The following RUNX2 variants were observed in gnomAD, a reference collection of about 807,000 sequenced individuals.
The protein encoded by RUNX2 is runt-related transcription factor 2.
Under a neutral mutation model 51.7 loss-of-function variants are expected in RUNX2, and 10 were observed. The ratio of observed to expected loss-of-function variants is 0.19; its 90% CI spans 0.12 to 0.33. The LOEUF (loss-of-function observed/expected upper bound fraction) is 0.33. Among genes scored for constraint, RUNX2 ranks in the 10% least tolerant of loss-of-function variants. RUNX2 has a pLI of 1.00. For synonymous variants in RUNX2, 276 were observed against 273.6 expected (o/e 1.01, Z -0.09); for missense variants, 562 against 691.3 (o/e 0.81, Z 2.10).
At chr6:45,421,602 C>G (rs1798190058) in intron 2 of RUNX2, 1 of 152,236 alleles carries the variant, frequency 6.6e-6, no homozygotes, top group Non-Finnish European at 1.5e-5. Context: ...TCAGATCAGC[C>G]GGGGGCTCTC....
At chr6:45,468,220 T>C (rs1344865740) in intron 5 of RUNX2, among the ~76,000 whole-genome samples, 1 of 152,228 alleles carries the variant, frequency 6.6e-6, no homozygotes, top group South Asian at 2.1e-4. Flanking sequence ...ATAATCTCTC[T>C]TTACTATCCT....
intron 7 of RUNX2, among the ~76,000 whole-genome samples, chr6:45,513,889 C>G (rs567792479): frequency 6.6e-6 from 1 of 152,254 alleles, no homozygotes; most frequent in African/African-American, 2.4e-5. Context: ...GTGGGGATAA[C>G]GAAGGCTGAT....
rs570572500 is a variant in RUNX2, at chr6:45,398,583, A to G, written c.59-24010A>G. Among the ~76,000 whole-genome samples the G allele has an allele frequency of 2.6e-5, 4 of 152,342 alleles. No homozygotes were observed. In the East Asian group the frequency reaches 5.8e-4, roughly 22 times the overall value. On this transcript the variant is annotated intron_variant, in intron 2 of 8. Coordinates refer to ENST00000647337, the MANE Select transcript of RUNX2 (RefSeq NM_001024630.4). ...CAATTTTAACAAGTATTTCTTGACCACAATCTGGCATCATTCATCCCCTGA... is the reference window on the plus strand; with the variant it reads ...CAATTTTAACAAGTATTTCTTGACCGCAATCTGGCATCATTCATCCCCTGA...
intron 2 of RUNX2, among the ~76,000 whole-genome samples, chr6:45,371,104 T>G (rs1260711640): frequency 1.3e-5 from 2 of 152,192 alleles, no homozygotes; most frequent in Admixed American, 6.5e-5. Context: ...TGGAAGATTT[T>G]GGCAGCAATT....
intron 2 of RUNX2, among the ~76,000 whole-genome samples, chr6:45,342,967 T>C (rs1313861724): frequency 6.6e-6 from 1 of 152,170 alleles, no homozygotes; most frequent in African/African-American, 2.4e-5. Flanking sequence ...TAGCGCCTAG[T>C]ACATAACCCT....
At chr6:45,519,626 AT>A (rs1217624707) in intron 7 of RUNX2, among the ~76,000 whole-genome samples, 1 of 151,686 alleles carries the variant, frequency 6.6e-6, no homozygotes, top group Non-Finnish European at 1.5e-5. Context: ...TTCCAGTGTT[AT>A]ATAGTTGGAA....
intron 7 of RUNX2, among the ~76,000 whole-genome samples, chr6:45,525,441 C>A (rs1801644666): frequency 6.6e-6 from 1 of 152,202 alleles, no homozygotes; most frequent in African/African-American, 2.4e-5. Flanking sequence ...ATTAAACATT[C>A]ATAGCATCGT....
intron 2 of RUNX2, among the ~76,000 whole-genome samples, chr6:45,370,945 C>G (rs1795964319): frequency 6.6e-6 from 1 of 152,156 alleles, no homozygotes; most frequent in African/African-American, 2.4e-5. Flanking sequence ...CAAAAACAGT[C>G]CCTAAGGTGC....
chr6:45,374,101 G>A (rs1796460179), intron 2 of RUNX2, among the ~76,000 whole-genome samples: 1 of 152,090 alleles, frequency 6.6e-6, no homozygotes, highest in Non-Finnish European at 1.5e-5. Flanking sequence ...GATGAGGATG[G>A]GTACTAATTC....
At chr6:45,406,134 T>C (rs1797828700) in intron 2 of RUNX2, among the ~76,000 whole-genome samples, 3 of 152,230 alleles carry the variant, frequency 2.0e-5, no homozygotes, top group African/African-American at 4.8e-5. Context: ...AGGAAGTCTA[T>C]GATATGATCA....
chr6:45,446,765 A>G (rs554415921), intron 5 of RUNX2, among the ~76,000 whole-genome samples: 1 of 152,340 alleles, frequency 6.6e-6, no homozygotes, highest in South Asian at 2.1e-4. Flanking sequence ...TTTGGCCTTC[A>G]CATAAAATCT....
intron 6 of RUNX2, among the ~76,000 whole-genome samples, chr6:45,502,194 G>A (rs753274833): frequency 6.6e-6 from 1 of 152,136 alleles, no homozygotes; most frequent in Non-Finnish European, 1.5e-5. Flanking sequence ...TCTTGGAGCA[G>A]AGACTTGAAT....
chr6:45,422,362 C>T, intron 2 of RUNX2: 1 of 530,736 alleles, frequency 1.9e-6, no homozygotes, highest in Non-Finnish European at 3.4e-6. Flanking sequence ...TCTCCCTACC[C>T]GCCAGCCCGA....
intron 2 of RUNX2, chr6:45,365,232 T>C (rs780628100): frequency 9.9e-6 from 16 of 1,612,114 alleles, no homozygotes; most frequent in Middle Eastern, 1.6e-4. Flanking sequence ...GCAAAGCTTA[T>C]AGACTTCCCT....
At chr6:45,537,555 T>G (rs1481921918) in intron 7 of RUNX2, among the ~76,000 whole-genome samples, 1 of 152,238 alleles carries the variant, frequency 6.6e-6, no homozygotes, top group Non-Finnish European at 1.5e-5. Flanking sequence ...GATCGAGTAC[T>G]TCTGCAGATC....
chr6:45,456,454 G>T (rs370447744), intron 5 of RUNX2, among the ~76,000 whole-genome samples: 9 of 152,200 alleles, frequency 5.9e-5, no homozygotes, highest in East Asian at 1.9e-4. Context: ...TTCTGATATG[G>T]TTGCCTGCCT....
intron 5 of RUNX2, among the ~76,000 whole-genome samples, chr6:45,461,214 T>C (rs1017984300): frequency 1.3e-5 from 2 of 152,196 alleles, no homozygotes; most frequent in African/African-American, 4.8e-5. Flanking sequence ...TCTCAGTTAA[T>C]GGAGCAGGCA....
chr6:45,418,212 A>C (rs1798105874), intron 2 of RUNX2, among the ~76,000 whole-genome samples: 1 of 152,228 alleles, frequency 6.6e-6, no homozygotes, highest in Non-Finnish European at 1.5e-5. Flanking sequence ...TAGAAAAGGA[A>C]ACCAGGATAA....
intron 5 of RUNX2, among the ~76,000 whole-genome samples, chr6:45,475,053 G>C (rs1799916148): frequency 6.6e-6 from 1 of 151,400 alleles, no homozygotes; most frequent in African/African-American, 2.4e-5. Flanking sequence ...GAACCTGGGA[G>C]GTGGAGGCTG....
Sources: allele counts gnomAD v4.1 joint callset (sites outside exome capture counted in the v4.1 genomes callset), GRCh38; gene constraint gnomAD v4.1.1; transcripts MANE v1.5; gene names NCBI Gene and HGNC (gene_info 2026-07-23, HGNC 2026-07-21).